The following DRC11 variants were observed in gnomAD, a reference collection of about 807,000 sequenced individuals.
DRC11 encodes the protein dynein regulatory complex subunit 11, also known as IQ and AAA domain-containing protein 1.
chr2:236,365,007 G>A, the DRC11 span, among the ~76,000 whole-genome samples: 9 of 151,980 alleles, frequency 5.9e-5, no homozygotes, highest in South Asian at 2.1e-4. This position sits in a 1 kb window ranked among gnomAD's most constrained non-coding sequence, Gnocchi z 7.4. Context: ...TAGGGGCTGC[G>A]GCAATCTAAT....
chr2:236,459,537 ATACGTATACGTATACATGTATACG>A, the DRC11 span, among the ~76,000 whole-genome samples: 1 of 99,750 alleles, frequency 1.0e-5, no homozygotes, highest in African/African-American at 3.8e-5. Context: ...ATGTATACGT[ATACGTATACGTATACATGTATACG>A]TATATATGTG....
chr2:236,311,067 C>T, the DRC11 span, among the ~76,000 whole-genome samples: 108 of 152,336 alleles, frequency 7.1e-4, no homozygotes, highest in Non-Finnish European at 1.2e-3. The surrounding 1 kb of genome is among the most constrained non-coding windows in gnomAD (Gnocchi z 6.9). Flanking sequence ...GGGGACGACA[C>T]ACTGTGCTCA....
At chr2:236,416,709 A>C in the DRC11 span, among the ~76,000 whole-genome samples, 1 of 87,104 alleles carries the variant, frequency 1.1e-5, no homozygotes, top group East Asian at 3.4e-4. Flanking sequence ...ATTTATTTAC[A>C]TATATATATA....
At chr2:236,344,022 A>AT in the DRC11 span, among the ~76,000 whole-genome samples, 29 of 150,374 alleles carry the variant, frequency 1.9e-4, no homozygotes, top group African/African-American at 4.6e-4. Flanking sequence ...GTATCTGCAC[A>AT]TTTTTTTTAA....
chr2:236,351,168 G>T, the DRC11 span, among the ~76,000 whole-genome samples: 5 of 152,302 alleles, frequency 3.3e-5, no homozygotes, highest in East Asian at 9.7e-4. This position sits in a 1 kb window ranked among gnomAD's most constrained non-coding sequence, Gnocchi z 7.3. Context: ...CACTGTGCTA[G>T]GTGCCAGGGT....
chr2:236,411,902 G>C, the DRC11 span, among the ~76,000 whole-genome samples: 26 of 118,232 alleles, frequency 2.2e-4, no homozygotes, highest in Admixed American at 1.3e-3. Context: ...GTTGTGGGGT[G>C]GGGGGAGGGG....
At chr2:236,445,631 C>T in the DRC11 span, among the ~76,000 whole-genome samples, 1 of 151,994 alleles carries the variant, frequency 6.6e-6, no homozygotes, top group African/African-American at 2.4e-5. This position sits in a 1 kb window ranked among gnomAD's most constrained non-coding sequence, Gnocchi z 4.8. Flanking sequence ...TGAGCCACTC[C>T]GCCTGGGCTA....
At chr2:236,341,541 T>C in the DRC11 span, among the ~76,000 whole-genome samples, 1 of 152,182 alleles carries the variant, frequency 6.6e-6, no homozygotes, top group African/African-American at 2.4e-5. Flanking sequence ...CAGGAGTGTG[T>C]GCAGGAGGAC....
the DRC11 span, among the ~76,000 whole-genome samples, chr2:236,364,997 T>C: frequency 2.0e-5 from 3 of 152,098 alleles, no homozygotes; most frequent in African/African-American, 7.2e-5. Context: ...TTGTGGTTAG[T>C]AGGGGCTGCG....
the DRC11 span, among the ~76,000 whole-genome samples, chr2:236,327,372 C>T: frequency 7.2e-5 from 11 of 151,826 alleles, no homozygotes; most frequent in African/African-American, 2.4e-4. Context: ...TCTCCTGCCT[C>T]AGCCCGGGAC....
At chr2:236,358,240 TATATAG>T in the DRC11 span, among the ~76,000 whole-genome samples, 2 of 131,092 alleles carry the variant, frequency 1.5e-5, no homozygotes, top group Non-Finnish European at 3.1e-5. Context: ...GAATATATAA[TATATAG>T]ATGTATACTA....
the DRC11 span, among the ~76,000 whole-genome samples, chr2:236,403,019 T>C: frequency 1.3e-5 from 2 of 152,184 alleles, no homozygotes; most frequent in East Asian, 3.9e-4. Context: ...TGTTATTGTC[T>C]ATTATTGCCA....
the DRC11 span, chr2:236,368,074 C>T: frequency 1.4e-6 from 1 of 719,118 alleles, no homozygotes; most frequent in South Asian, 1.5e-5. Context: ...ACTCAGAATT[C>T]TCAGTAGGAA....
the DRC11 span, among the ~76,000 whole-genome samples, chr2:236,354,207 A>G: frequency 1.4e-5 from 1 of 69,540 alleles, no homozygotes; most frequent in Non-Finnish European, 3.1e-5. Context: ...TGTGTGTGTC[A>G]ATGTATGTGT....
the DRC11 span, among the ~76,000 whole-genome samples, chr2:236,428,546 T>C: frequency 6.6e-6 from 1 of 152,178 alleles, no homozygotes; most frequent in African/African-American, 2.4e-5. Context: ...GACATGATTA[T>C]AGTTACCCCT....
At chr2:236,489,973 G>A in the DRC11 span, among the ~76,000 whole-genome samples, 1 of 152,170 alleles carries the variant, frequency 6.6e-6, no homozygotes, top group South Asian at 2.1e-4. Context: ...CAAAGCATAG[G>A]TGAAGCCTGT....
chr2:236,366,380 C>G, the DRC11 span, among the ~76,000 whole-genome samples: 1 of 152,288 alleles, frequency 6.6e-6, no homozygotes, highest in East Asian at 1.9e-4. Flanking sequence ...CTGGAGCCCC[C>G]AGACATTCCT....
the DRC11 span, among the ~76,000 whole-genome samples, chr2:236,323,351 G>C: frequency 6.6e-6 from 1 of 152,188 alleles, no homozygotes; most frequent in Non-Finnish European, 1.5e-5. The surrounding 1 kb of genome is among the most constrained non-coding windows in gnomAD (Gnocchi z 6.4). Flanking sequence ...AGTGGGTAAG[G>C]GGAGTCTGTG....
At chr2:236,373,028 C>T in the DRC11 span, among the ~76,000 whole-genome samples, 1 of 151,994 alleles carries the variant, frequency 6.6e-6, no homozygotes, top group Non-Finnish European at 1.5e-5. Context: ...TCTTTGAATT[C>T]TTTTAATATC....
Sources: allele counts gnomAD v4.1 joint callset (sites outside exome capture counted in the v4.1 genomes callset), GRCh38; gene constraint gnomAD v4.1.1; non-coding constraint Gnocchi (gnomAD v3.1); transcripts MANE v1.5; gene names NCBI Gene and HGNC (gene_info 2026-07-23, HGNC 2026-07-21).